Variants in CYP2C19 observed in about 807,000 individuals in gnomAD.
CYP2C19 encodes the protein cytochrome P450 family 2 subfamily C member 19, also known as cytochrome P450 2C19.
CYP2C19 carries 59 observed loss-of-function variants against 40.9 expected under a neutral mutation model. That is an observed-to-expected ratio of 1.44 (90% CI 1.17 to 1.79). The LOEUF (loss-of-function observed/expected upper bound fraction) is 1.79, where lower values mean the gene tolerates loss of function less well. CYP2C19 is among the 40% of genes most tolerant of loss of function. The pLI, the probability that CYP2C19 is intolerant of heterozygous loss-of-function variation, is 0.00. For missense variants in CYP2C19, 754 were observed against 596.9 expected (o/e 1.26, Z -2.74); for synonymous variants, 253 against 208.7 (o/e 1.21, Z -1.83).
intron 5 of CYP2C19, among the ~76,000 whole-genome samples, chr10:94,812,232 C>G (rs2134261037): frequency 6.6e-6 from 1 of 152,250 alleles, no homozygotes; most frequent in East Asian, 1.9e-4. Flanking sequence ...TCGAGCTTCT[C>G]CAGAGAGATA....
At chr10:94,836,967 T>C (rs1467120697) in intron 6 of CYP2C19, among the ~76,000 whole-genome samples, 1 of 152,114 alleles carries the variant, frequency 6.6e-6, no homozygotes, top group Non-Finnish European at 1.5e-5. Flanking sequence ...GGTAAAACAG[T>C]CCAGGTGAGT....
chr10:94,810,383 G>A (rs1286296126), intron 5 of CYP2C19, among the ~76,000 whole-genome samples: 2 of 152,122 alleles, frequency 1.3e-5, no homozygotes, highest in Non-Finnish European at 2.9e-5. Flanking sequence ...TTGGTATCAG[G>A]ATGATTCTTC....
intron 5 of CYP2C19, among the ~76,000 whole-genome samples, chr10:94,799,915 A>G (rs1198007480): frequency 6.6e-6 from 1 of 151,714 alleles, no homozygotes; most frequent in African/African-American, 2.4e-5. Flanking sequence ...CCTTTTTTTC[A>G]AGGTTTTTAG....
intron 6 of CYP2C19, among the ~76,000 whole-genome samples, chr10:94,827,384 G>A (rs1276245371): frequency 6.6e-6 from 1 of 151,896 alleles, no homozygotes; most frequent in Non-Finnish European, 1.5e-5. Context: ...TCCTGGTTTA[G>A]TCTTGGGAGA....
intron 5 of CYP2C19, among the ~76,000 whole-genome samples, chr10:94,786,802 A>G (rs1310432452): frequency 1.3e-5 from 2 of 152,102 alleles, no homozygotes; most frequent in Non-Finnish European, 2.9e-5. Flanking sequence ...TTCTCTCAAG[A>G]CAATGGCCTC....
At chr10:94,837,507 A>C (rs1174355604) in intron 6 of CYP2C19, among the ~76,000 whole-genome samples, 1 of 152,114 alleles carries the variant, frequency 6.6e-6, no homozygotes, top group Non-Finnish European at 1.5e-5. Context: ...GTTTTGCTAG[A>C]ATGTCTCTCC....
In CYP2C19 at chr10:94,781,871, C is replaced by T. The variant is rs770126483; in HGVS notation, c.693C>T (p.Asn231=). 4.7e-6 allele frequency: 7 copies of T among 1,489,698 alleles called. No individual in the cohort carries two copies. Among genetic ancestry groups the T allele is most frequent in the Middle Eastern group, 3.5e-4 (2 of 5,744 alleles). The allele number at this position is 1,489,698 out of a possible 1,614,324, so 92.3% of individuals were successfully genotyped here. A position where few individuals can be genotyped will look rare whatever the true frequency, so the allele number is the denominator to read the frequency against. The part of the protein sequence containing the change: ...TIIDYFPGTH[N]KLLKNLAFME... The stretch of plus-strand genomic sequence containing the variant: ...TTGATTATTTCCCGGGAACCCATAA[C>T]AAATTACTTAAAAACCTTGCTTTTA... Residue 231 remains asparagine, a synonymous_variant, in exon 5 of 9, where the codon AAC becomes AAT. Coordinates refer to ENST00000371321, the MANE Select transcript of CYP2C19 (RefSeq NM_000769.4).
chr10:94,808,345 C>T (rs968744838), intron 5 of CYP2C19, among the ~76,000 whole-genome samples: 1 of 151,988 alleles, frequency 6.6e-6, no homozygotes, highest in Non-Finnish European at 1.5e-5. Context: ...TACATGAGAT[C>T]TTTTGATATA....
At chr10:94,809,168 C>T (rs1394659564) in intron 5 of CYP2C19, among the ~76,000 whole-genome samples, 2 of 152,114 alleles carry the variant, frequency 1.3e-5, no homozygotes, top group Non-Finnish European at 1.5e-5. Context: ...TTTTTATTTG[C>T]GCTTCTCAGA....
At chr10:94,846,174 T>A (rs1288663276) in intron 7 of CYP2C19, among the ~76,000 whole-genome samples, 1 of 152,180 alleles carries the variant, frequency 6.6e-6, no homozygotes, top group Admixed American at 6.6e-5. Context: ...ATGTTGTCAT[T>A]TTTATCTCCT....
Position 94,807,757 on chromosome 10 carries a change from A to G in CYP2C19, c.820-12739A>G, listed in dbSNP as rs183063191. 1.2e-4 allele frequency among the ~76,000 whole-genome samples: 19 copies of G among 152,022 alleles called. No homozygotes were observed. In the East Asian group the frequency reaches 3.5e-3, roughly 28 times the overall value. ...GTATTTGTTTTTTTGTTTCTGTTGA[A>G]TTGTTTGAGTTACTTGTATATTTTG... On this transcript the variant is annotated intron_variant, in intron 5 of 8. Coordinates refer to ENST00000371321, the MANE Select transcript of CYP2C19 (RefSeq NM_000769.4).
intron 1 of CYP2C19, among the ~76,000 whole-genome samples, chr10:94,770,690 C>T (rs1464963216): frequency 6.6e-6 from 1 of 152,106 alleles, no homozygotes; most frequent in Non-Finnish European, 1.5e-5. Flanking sequence ...CTTAAGGCCT[C>T]CTGTAGCCAC....
intron 8 of CYP2C19, 57 bp downstream of exon 8, chr10:94,850,115 G>A (rs906534227): frequency 6.3e-6 from 10 of 1,595,710 alleles, no homozygotes; most frequent in East Asian, 2.2e-5. Context: ...TTTTTGATCA[G>A]TTGGAACTTA....
At chr10:94,793,836 A>G (rs1292260645) in intron 5 of CYP2C19, among the ~76,000 whole-genome samples, 1 of 152,122 alleles carries the variant, frequency 6.6e-6, no homozygotes, top group Non-Finnish European at 1.5e-5. Context: ...CAGTCTGTCC[A>G]TTCTCAGATT....
intron 5 of CYP2C19, among the ~76,000 whole-genome samples, chr10:94,816,766 C>G (rs1016458899): frequency 1.4e-5 from 2 of 142,652 alleles, no homozygotes; most frequent in African/African-American, 5.2e-5. Context: ...GTGTGGTATT[C>G]CCCTTCATGT....
rs146191260 is a variant in CYP2C19, at chr10:94,815,521, C to T, written c.820-4975C>T. On this transcript the variant is annotated intron_variant, in intron 5 of 8. Transcript: ENST00000371321. ...ACTAAGTATTCCTCATCCATTGCTT[C>T]CACTCTCTGAACTTCCAAATTTTGA... is the stretch of plus-strand genomic sequence containing the variant. 3.1e-3 allele frequency among the ~76,000 whole-genome samples: 475 copies of T among 152,338 alleles called. 3 individuals carry two copies. Among genetic ancestry groups the T allele is most frequent in the African/African-American group, 0.011 (452 of 41,574 alleles).
intron 5 of CYP2C19, among the ~76,000 whole-genome samples, chr10:94,798,937 G>C (rs891818223): frequency 1.3e-5 from 2 of 149,544 alleles, no homozygotes; most frequent in African/African-American, 4.9e-5. Context: ...GCACACTGAT[G>C]GGTCTTGACT....
chr10:94,847,686 T>C (rs2134290401), intron 7 of CYP2C19, among the ~76,000 whole-genome samples: 1 of 152,302 alleles, frequency 6.6e-6, no homozygotes, highest in Middle Eastern at 3.4e-3. Context: ...TAGTTTACAG[T>C]CCCACCAACA....
At chr10:94,791,319 C>G (rs977466027) in intron 5 of CYP2C19, among the ~76,000 whole-genome samples, 7 of 152,106 alleles carry the variant, frequency 4.6e-5, no homozygotes, top group African/African-American at 1.7e-4. Context: ...AAAAAACCAG[C>G]TCCTGGATTC....
Sources: allele counts gnomAD v4.1 joint callset (sites outside exome capture counted in the v4.1 genomes callset), GRCh38; gene constraint gnomAD v4.1.1; transcripts MANE v1.5; gene names NCBI Gene and HGNC (gene_info 2026-07-23, HGNC 2026-07-21).